SLMAP: variants seen among roughly 807,000 people sequenced by gnomAD.
SLMAP encodes sarcolemmal membrane-associated protein.
In SLMAP, 44 loss-of-function variants were observed where a neutral mutation model predicts 128.8. The observed-to-expected ratio is 0.34, with a 90% CI of 0.27 to 0.44. The LOEUF (loss-of-function observed/expected upper bound fraction) is 0.44. Among genes scored for constraint, SLMAP ranks in the 20% least tolerant of loss-of-function variants. SLMAP has a pLI of 1.00. For synonymous variants in SLMAP, 327 were observed against 348.8 expected (o/e 0.94, Z 0.70); for missense variants, 787 against 985.3 (o/e 0.80, Z 2.69).
At chr3:57,920,099 C>G (rs1325824162) in intron 22 of SLMAP, among the ~76,000 whole-genome samples, 5 of 152,136 alleles carry the variant, frequency 3.3e-5, no homozygotes. Flanking sequence ...CTTTATTAGT[C>G]CCTGTTAAGA....
intron 2 of SLMAP, among the ~76,000 whole-genome samples, chr3:57,781,486 A>G (rs1433639494): frequency 1.3e-5 from 2 of 152,158 alleles, no homozygotes; most frequent in Admixed American, 1.3e-4. Flanking sequence ...GTGTATAATA[A>G]TCTACCTTTC....
chr3:57,879,728 G>T (rs774459746), intron 14 of SLMAP, among the ~76,000 whole-genome samples: 6 of 152,090 alleles, frequency 3.9e-5, no homozygotes, highest in Non-Finnish European at 7.4e-5. Flanking sequence ...GGATCACGAG[G>T]TCAGGAGTTT....
At chr3:57,904,610 A>T (rs577708358) in intron 17 of SLMAP, among the ~76,000 whole-genome samples, 13 of 152,226 alleles carry the variant, frequency 8.5e-5, no homozygotes, top group African/African-American at 3.1e-4. Context: ...TTGTCTCAGT[A>T]ATGTTCTTTA....
chr3:57,857,465 AT>A (rs1485019631), intron 6 of SLMAP, among the ~76,000 whole-genome samples: 1 of 152,252 alleles, frequency 6.6e-6, no homozygotes, highest in African/African-American at 2.4e-5. Flanking sequence ...GTATACTGTT[AT>A]GTGAATAAAA....
In SLMAP at chr3:57,907,915, G is replaced by A. The variant is rs745342571; in HGVS notation, c.1533G>A (p.Glu511=). ...TGCAGGGTGCACAGTCAGAAATTGA[G>A]GCAAAGCAAGAAATACAGCATCTTC... ...DDLQGAQSEI[E]AKQEIQHLRK... The change falls in exon 18 of 25, where the codon GAG becomes GAA. Residue 511 remains glutamate (E), a synonymous_variant. Coordinates refer to ENST00000671191, the MANE Select transcript of SLMAP (RefSeq NM_001377540.1). 1.2e-6 allele frequency: 2 copies of A among 1,613,908 alleles called. No homozygotes were observed. The highest frequency in any genetic ancestry group is 4.5e-5 in the East Asian group (2 of 44,852).
At chr3:57,840,627 G>T (rs1346735629) in intron 3 of SLMAP, among the ~76,000 whole-genome samples, 1 of 152,208 alleles carries the variant, frequency 6.6e-6, no homozygotes, top group Non-Finnish European at 1.5e-5. Flanking sequence ...GAAGTAAGAT[G>T]CAACAGTGAG....
chr3:57,780,947 T>G (rs2082911103), intron 2 of SLMAP, among the ~76,000 whole-genome samples: 1 of 151,936 alleles, frequency 6.6e-6, no homozygotes. Context: ...CCAGTAAAAT[T>G]CTTTAAAGAT....
intron 5 of SLMAP, among the ~76,000 whole-genome samples, chr3:57,848,576 T>C (rs1435215076): frequency 1.5e-5 from 2 of 134,626 alleles, no homozygotes; most frequent in Admixed American, 1.6e-4. Flanking sequence ...TTTCTTCCTC[T>C]TCCTGCTCCC....
chr3:57,894,241 G>A (rs2096177652), intron 15 of SLMAP, among the ~76,000 whole-genome samples: 1 of 152,048 alleles, frequency 6.6e-6, no homozygotes, highest in Non-Finnish European at 1.5e-5. Flanking sequence ...CTCTGTTGTA[G>A]ATCCTTCCAG....
intron 5 of SLMAP, among the ~76,000 whole-genome samples, chr3:57,847,845 A>AT (rs2094326423): frequency 3.3e-5 from 5 of 152,170 alleles, no homozygotes; most frequent in African/African-American, 1.2e-4. Flanking sequence ...TGGAAAAAAT[A>AT]TTTTATGTTT....
intron 15 of SLMAP, 147 bp from the exon 16 acceptor site, chr3:57,896,364 G>T: frequency 7.2e-7 from 1 of 1,384,228 alleles, no homozygotes; most frequent in Non-Finnish European, 9.3e-7. Flanking sequence ...GACAAGGGTG[G>T]TGAAGAAGTA....
intron 2 of SLMAP, among the ~76,000 whole-genome samples, chr3:57,807,480 A>C (rs1315349378): frequency 6.6e-6 from 1 of 152,160 alleles, no homozygotes; most frequent in African/African-American, 2.4e-5. Context: ...CACCTAGTTT[A>C]CTGGGAGTTT....
At chr3:57,883,941 T>C (rs937615663) in intron 14 of SLMAP, among the ~76,000 whole-genome samples, 54 of 149,320 alleles carry the variant, frequency 3.6e-4, no homozygotes, top group Middle Eastern at 6.9e-3. Flanking sequence ...TTCTTTCTTT[T>C]TTTTTTTTTT....
chr3:57,791,489 A>G (rs976332582), intron 2 of SLMAP, among the ~76,000 whole-genome samples: 2 of 152,160 alleles, frequency 1.3e-5, no homozygotes, highest in African/African-American at 4.8e-5. Context: ...TCACTTCCTT[A>G]TTGTAAATAT....
rs186092976 is a variant in SLMAP at position 57,806,661 on chromosome 3, C to T, written c.199-24722C>T. On this transcript the variant is annotated intron_variant, in intron 2 of 24. Transcript: ENST00000671191. ...CACCGTGTTGGCCAGGCTGTTCTCG[C>T]ACTCCTGACCTCAAGTGATCCACCT... Among the ~76,000 whole-genome samples the T allele has an allele frequency of 4.1e-4, 62 of 152,024 alleles. 1 individual carries two copies. In the East Asian group the frequency reaches 0.012, roughly 29 times the overall value.
At chr3:57,903,101 A>G (rs2096435612) in intron 17 of SLMAP, among the ~76,000 whole-genome samples, 3 of 152,224 alleles carry the variant, frequency 2.0e-5, no homozygotes, top group Admixed American at 2.0e-4. Flanking sequence ...CAGTGGTAGC[A>G]GAGGGAGTTT....
At chr3:57,764,048 A>T (rs756374174) in intron 2 of SLMAP, among the ~76,000 whole-genome samples, 1 of 152,152 alleles carries the variant, frequency 6.6e-6, no homozygotes, top group Non-Finnish European at 1.5e-5. Context: ...ACGTTTTCCT[A>T]CTATCTTGTA....
At chr3:57,784,419 A>G (rs183031173) in intron 2 of SLMAP, among the ~76,000 whole-genome samples, 1 of 152,046 alleles carries the variant, frequency 6.6e-6, no homozygotes, top group African/African-American at 2.4e-5. Flanking sequence ...TTTAAGACTT[A>G]TTGTTGTTTT....
At chr3:57,823,268 G>A (rs1030475197) in intron 2 of SLMAP, among the ~76,000 whole-genome samples, 3 of 151,742 alleles carry the variant, frequency 2.0e-5, no homozygotes, top group Admixed American at 6.6e-5. Context: ...TGTGCACAAC[G>A]TGCAGGTTTG....
Sources: gnomAD v4.1 joint callset for allele counts (sites outside exome capture counted in the v4.1 genomes callset) on GRCh38, gnomAD v4.1.1 for gene constraint, MANE v1.5 for transcripts, NCBI Gene and HGNC (gene_info 2026-07-23, HGNC 2026-07-21) for gene names.